The following THSD7B variants were observed in gnomAD, a reference collection of about 807,000 sequenced individuals.
THSD7B encodes thrombospondin type 1 domain containing 7B, also known as thrombospondin type-1 domain-containing protein 7B.
In THSD7B, 138 loss-of-function variants were observed where a neutral mutation model predicts 213.6. That is an observed-to-expected ratio of 0.65 (90% CI 0.56 to 0.74). The LOEUF is 0.74. Ranked by LOEUF, THSD7B falls within the 30% of genes least tolerant of loss-of-function variation. THSD7B has a pLI of 0.00. For missense variants in THSD7B, 1,931 were observed against 1,991.5 expected (o/e 0.97, Z 0.58); for synonymous variants, 742 against 687.0 (o/e 1.08, Z -1.25).
At chr2:137,453,154 C>T (rs776769374) in intron 15 of THSD7B, among the ~76,000 whole-genome samples, 110 of 151,608 alleles carry the variant, frequency 7.3e-4, no homozygotes, top group Non-Finnish European at 8.2e-4. Flanking sequence ...GAACCTCACC[C>T]GAATCCATAT....
intron 3 of THSD7B, among the ~76,000 whole-genome samples, chr2:137,088,125 A>G (rs1169981447): frequency 6.6e-6 from 1 of 152,112 alleles, no homozygotes; most frequent in Non-Finnish European, 1.5e-5. Context: ...CTATAGTCCT[A>G]GCTACTTGGG....
In THSD7B at chr2:137,468,930, G is replaced by C. The variant is rs11884609; in HGVS notation, c.3138+17907G>C. Reference sequence around the variant, plus strand: ...GTATCGGTGTGGTCAAAAGAGATTGGACCTTTTTATTGACTACTGAATTGC... The same window carrying C: ...GTATCGGTGTGGTCAAAAGAGATTGCACCTTTTTATTGACTACTGAATTGC... On this transcript the variant is annotated intron_variant, in intron 15 of 27. Transcript: ENST00000409968. Among the ~76,000 whole-genome samples, 1,424 of 152,144 alleles carry C rather than the reference G, an allele frequency of 9.4e-3. 21 individuals carry two copies. Among genetic ancestry groups the C allele is most frequent in the African/African-American group, 0.033 (1,358 of 41,524 alleles).
chr2:137,527,766 A>G (rs1340333613), intron 15 of THSD7B, among the ~76,000 whole-genome samples: 1 of 152,076 alleles, frequency 6.6e-6, no homozygotes, highest in Non-Finnish European at 1.5e-5. Flanking sequence ...AGAGATTAGA[A>G]AAAAGAAAAG....
intron 12 of THSD7B, among the ~76,000 whole-genome samples, chr2:137,335,261 G>A (rs1211363330): frequency 6.6e-6 from 1 of 152,142 alleles, no homozygotes; most frequent in Non-Finnish European, 1.5e-5. Flanking sequence ...TTTAAGCCAA[G>A]AATTGCTTAG....
chr2:137,592,228 G>A (rs990076317), intron 17 of THSD7B, among the ~76,000 whole-genome samples: 4 of 151,644 alleles, frequency 2.6e-5, no homozygotes, highest in Non-Finnish European at 5.9e-5. Flanking sequence ...AAATTCAATA[G>A]TAAACCTTGC....
At chr2:137,229,520 G>A (rs1681591179) in intron 7 of THSD7B, among the ~76,000 whole-genome samples, 1 of 152,180 alleles carries the variant, frequency 6.6e-6, no homozygotes, top group Non-Finnish European at 1.5e-5. Flanking sequence ...AGGGCAATGA[G>A]CCTGGCCTCA....
chr2:137,618,159 G>A (rs1682443247), intron 18 of THSD7B, among the ~76,000 whole-genome samples: 1 of 152,168 alleles, frequency 6.6e-6, no homozygotes, highest in South Asian at 2.1e-4. Flanking sequence ...CAAACCATTG[G>A]CTCTTTATCT....
At chr2:137,600,279 A>G (rs1430654471) in intron 17 of THSD7B, among the ~76,000 whole-genome samples, 3 of 152,224 alleles carry the variant, frequency 2.0e-5, no homozygotes, top group Non-Finnish European at 4.4e-5. Flanking sequence ...TGGTTTCAGT[A>G]TCCAGTCATG....
intron 21 of THSD7B, among the ~76,000 whole-genome samples, chr2:137,644,959 C>G (rs1683001796): frequency 6.6e-6 from 1 of 152,110 alleles, no homozygotes; most frequent in African/African-American, 2.4e-5. Flanking sequence ...CCTAACTCTT[C>G]CCAAGTTTCT....
intron 14 of THSD7B, among the ~76,000 whole-genome samples, chr2:137,444,018 A>G (rs1340807369): frequency 6.6e-6 from 1 of 152,036 alleles, no homozygotes; most frequent in Admixed American, 6.6e-5. Context: ...GTCGATGCTG[A>G]TGGAGTTTTA....
At chr2:137,399,215 A>T (rs199811618) in intron 12 of THSD7B, among the ~76,000 whole-genome samples, 1 of 22,262 alleles carries the variant, frequency 4.5e-5, no homozygotes, top group Non-Finnish European at 1.5e-4. Context: ...TTTTTTAAAC[A>T]CAAGTCTTGC....
intron 1 of THSD7B, among the ~76,000 whole-genome samples, chr2:136,768,629 A>G (rs1308086066): frequency 6.6e-6 from 1 of 152,212 alleles, no homozygotes; most frequent in Non-Finnish European, 1.5e-5. Flanking sequence ...TGATGGGAAA[A>G]AAAGAATAGC....
At chr2:136,931,704 T>A (rs1684629402) in intron 2 of THSD7B, among the ~76,000 whole-genome samples, 1 of 152,066 alleles carries the variant, frequency 6.6e-6, no homozygotes, top group African/African-American at 2.4e-5. Flanking sequence ...CCAATAAAGA[T>A]CCATATAATC....
intron 10 of THSD7B, 28 bp from the exon 11 acceptor site, chr2:137,272,505 A>G: frequency 6.3e-7 from 1 of 1,585,876 alleles, no homozygotes; most frequent in Non-Finnish European, 8.5e-7. Flanking sequence ...AAAGGGCACT[A>G]TATAATTTTC....
chr2:137,331,907 G>T (rs111264766), intron 12 of THSD7B, among the ~76,000 whole-genome samples: 2 of 152,100 alleles, frequency 1.3e-5, no homozygotes, highest in African/African-American at 2.4e-5. Flanking sequence ...TCCAAGTGCG[G>T]GCCCGCCAAG....
chr2:137,189,702 G>T (rs1304698157), intron 7 of THSD7B, among the ~76,000 whole-genome samples: 1 of 151,852 alleles, frequency 6.6e-6, no homozygotes, highest in Admixed American at 6.6e-5. Context: ...TGTTGCGATT[G>T]CTTTTAAGAA....
chr2:137,594,573 G>A (rs770717644), intron 17 of THSD7B, among the ~76,000 whole-genome samples: 2 of 151,930 alleles, frequency 1.3e-5, no homozygotes, highest in Non-Finnish European at 2.9e-5. Context: ...CCATTGATTG[G>A]TTTGTCTATC....
intron 1 of THSD7B, among the ~76,000 whole-genome samples, chr2:136,880,342 G>T (rs1344484914): frequency 6.6e-6 from 1 of 152,084 alleles, no homozygotes; most frequent in Non-Finnish European, 1.5e-5. Context: ...TATATATTTA[G>T]GGGCAATAAC....
intron 2 of THSD7B, among the ~76,000 whole-genome samples, chr2:136,930,240 A>G (rs546251473): frequency 6.6e-6 from 1 of 152,346 alleles, no homozygotes; most frequent in South Asian, 2.1e-4. Flanking sequence ...ATATAAAAAT[A>G]GGACAGAATT....
Sources: gnomAD v4.1 joint callset for allele counts (sites outside exome capture counted in the v4.1 genomes callset) on GRCh38, gnomAD v4.1.1 for gene constraint, MANE v1.5 for transcripts, NCBI Gene and HGNC (gene_info 2026-07-23, HGNC 2026-07-21) for gene names.